Variants in TMEM196 observed in about 807,000 individuals in gnomAD.
The protein encoded by TMEM196 is transmembrane protein 196.
Under a neutral mutation model 20.0 loss-of-function variants are expected in TMEM196, and 17 were observed. That is an observed-to-expected ratio of 0.85 (90% CI 0.58 to 1.27). The LOEUF (loss-of-function observed/expected upper bound fraction) is 1.27. Ranked by LOEUF, TMEM196 falls within the 50% of genes most tolerant of loss-of-function variation. The pLI is 0.00. For missense variants in TMEM196, 267 were observed against 223.0 expected (o/e 1.20, Z -1.26); for synonymous variants, 113 against 88.9 (o/e 1.27, Z -1.52).
At chr7:19,741,059 A>G (rs567066217) in intron 1 of TMEM196, among the ~76,000 whole-genome samples, 3 of 152,300 alleles carry the variant, frequency 2.0e-5, no homozygotes, top group Non-Finnish European at 4.4e-5. Flanking sequence ...TTCATTTTGT[A>G]AAGCATTTTG....
intron 1 of TMEM196, among the ~76,000 whole-genome samples, chr7:19,748,225 T>C (rs1206274274): frequency 8.5e-6 from 1 of 117,618 alleles, no homozygotes; most frequent in Non-Finnish European, 1.6e-5. Context: ...TTTCCTTCAT[T>C]CAACCTTATA....
At chr7:19,739,780 A>G (rs924379440) in intron 1 of TMEM196, among the ~76,000 whole-genome samples, 3 of 152,200 alleles carry the variant, frequency 2.0e-5, no homozygotes, top group Admixed American at 6.5e-5. Flanking sequence ...TGCAATTTCA[A>G]ACTAACTCAA....
chr7:19,728,005 G>C (rs1036362969), intron 2 of TMEM196, among the ~76,000 whole-genome samples: 1 of 151,946 alleles, frequency 6.6e-6, no homozygotes, highest in Non-Finnish European at 1.5e-5. Flanking sequence ...ACAGGATAAT[G>C]TACCTTCTAA....
rs973377277 is a variant in TMEM196, at chr7:19,722,365, C to T, written c.534-231G>A. Among the ~76,000 whole-genome samples the T allele has an allele frequency of 3.3e-5, 5 of 152,058 alleles. No homozygotes were observed. The South Asian group carries it at 6.2e-4, about 19-fold the overall frequency. ...GACCAAAATATTCTCTCCACAACAA[C>T]GGTCCATTCTCTCCCCACTTTCCTG... On this transcript the variant is annotated intron_variant, in intron 4 of 4. Transcript: ENST00000405844.
intron 1 of TMEM196, among the ~76,000 whole-genome samples, chr7:19,760,223 C>A (rs956601765): frequency 6.6e-5 from 10 of 151,912 alleles, no homozygotes; most frequent in South Asian, 2.1e-4. Flanking sequence ...TGAAACAATG[C>A]TCTTCCCTCT....
chr7:19,729,267 T>C, intron 2 of TMEM196, 115 bp downstream of exon 2: 2 of 699,544 alleles, frequency 2.9e-6, no homozygotes, highest in Non-Finnish European at 4.1e-6. Flanking sequence ...TTTTTTTTTT[T>C]TTTGCCTCAA....
At chr7:19,725,847 G>A in intron 2 of TMEM196, 79 bp from the exon 3 acceptor site, 2 of 1,466,260 alleles carry the variant, frequency 1.4e-6, no homozygotes, top group Non-Finnish European at 1.8e-6. Context: ...CCGGCTGCAT[G>A]TCAAGGATGA....
intron 1 of TMEM196, among the ~76,000 whole-genome samples, chr7:19,757,543 T>TG (rs1562625279): frequency 3.3e-5 from 5 of 151,894 alleles, no homozygotes; most frequent in African/African-American, 1.2e-4. Context: ...GCCCAGTCAA[T>TG]GCTTTCATCT....
At chr7:19,764,845 T>G (rs1456533620) in intron 1 of TMEM196, among the ~76,000 whole-genome samples, 1 of 152,118 alleles carries the variant, frequency 6.6e-6, no homozygotes, top group African/African-American at 2.4e-5. Context: ...AAAGAATGAT[T>G]GGGACTTAGC....
At position 19,722,053 on chromosome 7, in the gene TMEM196, G is replaced by A; in HGVS notation, c.*75C>T. On this transcript the variant is annotated 3_prime_UTR_variant, in exon 5 of 5. Transcript: ENST00000405844. ...TTGCCTCATGAAAATCCTAAAAAGT[G>A]TTCAATTCTTTAAAACATTGATTAC... is the stretch of plus-strand genomic sequence containing the variant. 6.3e-7 allele frequency: 1 copy of A among 1,599,752 alleles called. No individual in the cohort carries two copies. Among genetic ancestry groups the A allele is most frequent in the Non-Finnish European group, 8.5e-7 (1 of 1,170,532 alleles).
At chr7:19,755,713 A>C (rs777614831) in intron 1 of TMEM196, among the ~76,000 whole-genome samples, 2 of 152,166 alleles carry the variant, frequency 1.3e-5, no homozygotes, top group African/African-American at 4.8e-5. Flanking sequence ...GACTTTCCTC[A>C]TCTATTGTTA....
intron 1 of TMEM196, among the ~76,000 whole-genome samples, chr7:19,757,951 T>G (rs1037411783): frequency 1.4e-5 from 2 of 147,042 alleles, no homozygotes; most frequent in Non-Finnish European, 3.0e-5. Context: ...AATGAAGCCA[T>G]TTTTATATAT....
rs1783803507 is a variant in TMEM196, at chr7:19,721,271, T to A, written c.*857A>T. 1 of 151,910 alleles carries A rather than the reference T, an allele frequency of 6.6e-6. No homozygotes were observed. Among genetic ancestry groups the A allele is most frequent in the Admixed American group, 6.6e-5 (1 of 15,242 alleles). 9.4% of individuals were successfully genotyped at this position (151,910 alleles called of 1,614,324 possible). A position where few individuals can be genotyped will look rare whatever the true frequency, so the allele number is the denominator to read the frequency against. On this transcript the variant is annotated 3_prime_UTR_variant, in exon 5 of 5. Coordinates refer to ENST00000405844, the MANE Select transcript of TMEM196 (RefSeq NM_001363562.2). ...AATAATACCCCCACAGCATCACAAT[T>A]TCTTTTCTAATACCTATTTACATTC...
intron 1 of TMEM196, among the ~76,000 whole-genome samples, chr7:19,739,137 C>T (rs1371630375): frequency 6.6e-6 from 1 of 151,846 alleles, no homozygotes; most frequent in Non-Finnish European, 1.5e-5. Flanking sequence ...TTCAAATAGG[C>T]AATAGAAAGA....
Position 19,724,357 on chromosome 7 carries a change from A to T in TMEM196, c.460-4T>A. The T allele has an allele frequency of 6.5e-7, 1 of 1,550,034 alleles. No individual in the cohort carries two copies. The highest frequency in any genetic ancestry group is 8.7e-7 in the Non-Finnish European group (1 of 1,146,568). ...TTATTTCAATAGCCCTCAATCTCTAATGTAAATATAACAATCATACAATAA... is the reference window on the plus strand; with the variant it reads ...TTATTTCAATAGCCCTCAATCTCTATTGTAAATATAACAATCATACAATAA... On this transcript the variant is annotated splice_polypyrimidine_tract_variant and splice_region_variant and intron_variant, in intron 3 of 4. Transcript: ENST00000405844.
chr7:19,762,543 T>A (rs1583459260), intron 1 of TMEM196, among the ~76,000 whole-genome samples: 1 of 152,322 alleles, frequency 6.6e-6, no homozygotes, highest in South Asian at 2.1e-4. Context: ...TTTATATTAA[T>A]GTAGGTTATT....
chr7:19,755,412 A>C (rs1017483758), intron 1 of TMEM196, among the ~76,000 whole-genome samples: 7 of 152,220 alleles, frequency 4.6e-5, no homozygotes. Flanking sequence ...AATGAATTTC[A>C]GTTCAGTGGG....
chr7:19,730,011 C>G (rs1279831343), intron 1 of TMEM196, among the ~76,000 whole-genome samples: 3 of 152,060 alleles, frequency 2.0e-5, no homozygotes, highest in African/African-American at 7.2e-5. Flanking sequence ...AATCCCAGTA[C>G]TTTGGGAGGT....
intron 1 of TMEM196, among the ~76,000 whole-genome samples, chr7:19,733,650 G>A (rs1169804670): frequency 9.7e-6 from 1 of 103,296 alleles, no homozygotes; most frequent in Non-Finnish European, 1.7e-5. Flanking sequence ...AAAAGTAGAA[G>A]ATCCTTTTTT....
Sources: gnomAD v4.1 joint callset for allele counts (sites outside exome capture counted in the v4.1 genomes callset) on GRCh38, gnomAD v4.1.1 for gene constraint, MANE v1.5 for transcripts, NCBI Gene and HGNC (gene_info 2026-07-23, HGNC 2026-07-21) for gene names.